The following FSTL4 variants were observed in gnomAD, a reference collection of about 807,000 sequenced individuals.
FSTL4 encodes follistatin-related protein 4.
Under a neutral mutation model 78.2 loss-of-function variants are expected in FSTL4, and 28 were observed. That is an observed-to-expected ratio of 0.36 (90% confidence interval 0.27 to 0.49). The LOEUF (loss-of-function observed/expected upper bound fraction) is 0.49, where lower values mean the gene tolerates loss of function less well. Ranked by LOEUF, FSTL4 falls within the 20% of genes least tolerant of loss-of-function variation. FSTL4 has a pLI of 0.98. For missense variants in FSTL4, 922 were observed against 1,084.9 expected, an observed-to-expected ratio of 0.85 and a Z score of 2.11; for synonymous variants, 422 against 440.5, an observed-to-expected ratio of 0.96 and a Z score of 0.53.
chr5:133,355,767 G>A (rs902906915), intron 4 of FSTL4, among the ~76,000 whole-genome samples: 3 of 152,188 alleles, frequency 2.0e-5, no homozygotes, highest in Admixed American at 6.5e-5. Context: ...GGTTTTAATG[G>A]CCAAGAAGGG....
intron 3 of FSTL4, among the ~76,000 whole-genome samples, chr5:133,504,397 T>A (rs116399267): frequency 0.015 from 2,323 of 152,290 alleles, 55 homozygotes; most frequent in Middle Eastern, 0.065. Context: ...TGCCTACCAT[T>A]GTACTATTCC....
the FSTL4 span, among the ~76,000 whole-genome samples, chr5:133,622,729 T>C: frequency 2.6e-5 from 4 of 152,178 alleles, no homozygotes; most frequent in Non-Finnish European, 5.9e-5. Flanking sequence ...TTTGGTGAAA[T>C]ATCTCTTCAT....
At chr5:133,382,341 T>G (rs536135994) in intron 4 of FSTL4, among the ~76,000 whole-genome samples, 11 of 152,336 alleles carry the variant, frequency 7.2e-5, no homozygotes, top group African/African-American at 2.6e-4. Flanking sequence ...GGTTTTGCAG[T>G]TGTTTGTTAC....
the FSTL4 span, among the ~76,000 whole-genome samples, chr5:133,838,478 G>A: frequency 4.6e-5 from 7 of 152,318 alleles, no homozygotes; most frequent in East Asian, 1.9e-4. Context: ...GACGATTCTG[G>A]TTTGGGGTCT....
rs143025521 is a variant in FSTL4 at position 133,199,195 on chromosome 5, C to A, written c.2429G>T (p.Arg810Leu). The A allele has an allele frequency of 4.0e-4, 637 of 1,612,286 alleles. 12 individuals are homozygous for A. In the East Asian group the frequency reaches 0.014, roughly 36 times the overall value. Reference sequence around the variant, plus strand: ...CCCATTGATGAGGAACAGTGACTCTCGGGCTGGTGTGAGGAGGTACTGTCC... The same window carrying A: ...CCCATTGATGAGGAACAGTGACTCTAGGGCTGGTGTGAGGAGGTACTGTCC... ...LFGQYLLTPA[R>L]ESLFLINGRQ... Residue 810 changes from arginine to leucine, a missense_variant, in exon 16 of 16, where the codon CGA becomes CTA. Coordinates refer to ENST00000265342, the MANE Select transcript of FSTL4 (RefSeq NM_015082.2). This position sits in a 1 kb window ranked among gnomAD's most constrained non-coding sequence, Gnocchi z 4.4.
the FSTL4 span, among the ~76,000 whole-genome samples, chr5:133,830,566 A>G: frequency 1.3e-5 from 2 of 152,216 alleles, no homozygotes; most frequent in African/African-American, 2.4e-5. Flanking sequence ...CAAGCCTTCT[A>G]TGTGATTCTC....
chr5:133,737,786 G>C, the FSTL4 span, among the ~76,000 whole-genome samples: 8 of 151,972 alleles, frequency 5.3e-5, no homozygotes, highest in Admixed American at 5.2e-4. Context: ...TGTATTTTTA[G>C]TAGAGACGGG....
the FSTL4 span, among the ~76,000 whole-genome samples, chr5:133,656,422 A>T: frequency 6.6e-6 from 1 of 152,222 alleles, no homozygotes; most frequent in Admixed American, 6.5e-5. Flanking sequence ...CCATTTGCAC[A>T]GGCAGTGGCA....
chr5:133,553,263 T>C (rs1580784739), intron 3 of FSTL4, among the ~76,000 whole-genome samples: 2 of 152,210 alleles, frequency 1.3e-5, no homozygotes, highest in East Asian at 3.9e-4. Context: ...CAGTGTCTTG[T>C]CTCGGACGTT....
At chr5:133,804,398 T>C in the FSTL4 span, among the ~76,000 whole-genome samples, 1 of 152,134 alleles carries the variant, frequency 6.6e-6, no homozygotes, top group African/African-American at 2.4e-5. Flanking sequence ...GTACAGTCAC[T>C]GAAAACCCGG....
chr5:133,293,854 G>A (rs993747234), intron 6 of FSTL4, among the ~76,000 whole-genome samples: 3 of 152,182 alleles, frequency 2.0e-5, no homozygotes, highest in African/African-American at 7.2e-5. Context: ...GAGATTTGGG[G>A]GTTGTGTGTG....
At chr5:133,709,050 T>TA in the FSTL4 span, among the ~76,000 whole-genome samples, 18 of 152,314 alleles carry the variant, frequency 1.2e-4, no homozygotes, top group South Asian at 1.4e-3. Flanking sequence ...CCCAGGGCAT[T>TA]AAAAAGAGAT....
chr5:133,534,010 G>A (rs145457874), intron 3 of FSTL4, among the ~76,000 whole-genome samples: 84 of 152,132 alleles, frequency 5.5e-4, no homozygotes, highest in African/African-American at 1.9e-3. Context: ...GCACCTACTT[G>A]TCTTCATCTG....
At chr5:133,221,811 C>T (rs1030449708) in intron 11 of FSTL4, among the ~76,000 whole-genome samples, 4 of 149,210 alleles carry the variant, frequency 2.7e-5, no homozygotes, top group African/African-American at 4.9e-5. Flanking sequence ...CTTTCCCTTC[C>T]TTTCTTCATT....
intron 8 of FSTL4, among the ~76,000 whole-genome samples, chr5:133,226,503 G>A (rs1751337676): frequency 6.6e-6 from 1 of 152,206 alleles, no homozygotes; most frequent in Admixed American, 6.5e-5. Flanking sequence ...CCTGGCTGTG[G>A]GGAGGGGCCT....
chr5:133,387,195 T>C (rs1360167654), intron 4 of FSTL4, among the ~76,000 whole-genome samples: 2 of 152,152 alleles, frequency 1.3e-5, no homozygotes, highest in African/African-American at 4.8e-5. Flanking sequence ...CCCCACTCCC[T>C]GACAAATATC....
At chr5:133,546,866 C>T (rs1759585355) in intron 3 of FSTL4, among the ~76,000 whole-genome samples, 1 of 152,120 alleles carries the variant, frequency 6.6e-6, no homozygotes, top group African/African-American at 2.4e-5. Context: ...TACAAGTTGA[C>T]CTTTGTGACA....
chr5:133,222,093 G>T (rs1428168504), intron 11 of FSTL4, among the ~76,000 whole-genome samples: 3 of 151,542 alleles, frequency 2.0e-5, no homozygotes, highest in African/African-American at 4.8e-5. Flanking sequence ...TAATGTGAGT[G>T]GTCCTTGCTG....
chr5:133,217,344 G>A lies in FSTL4; in HGVS notation c.1493C>T (p.Thr498Ile). The change falls in exon 13 of 16, where the codon ACC becomes ATC. Residue 498 changes from threonine (T) to isoleucine (I), a missense_variant. Transcript: ENST00000265342. ...EICPQREKNA[T>I]QPCQWVSAVN... ...TGCAGATACCCACTGGCAGGGCTGG[G>A]TTGCATTTTTTTCTCTTTGAGGACA... 3 of 1,614,140 alleles carry A rather than the reference G, an allele frequency of 1.9e-6. No individual in the cohort carries two copies. Among genetic ancestry groups the A allele is most frequent in the Middle Eastern group, 1.6e-4 (1 of 6,062 alleles).
Sources: gnomAD v4.1 joint callset for allele counts (sites outside exome capture counted in the v4.1 genomes callset) on GRCh38, gnomAD v4.1.1 for gene constraint, Gnocchi (gnomAD v3.1) non-coding constraint, MANE v1.5 for transcripts, NCBI Gene and HGNC (gene_info 2026-07-23, HGNC 2026-07-21) for gene names.